The following SLC24A2 variants were observed in gnomAD, a reference collection of about 807,000 sequenced individuals.
SLC24A2 encodes the protein sodium/potassium/calcium exchanger 2.
SLC24A2 carries 36 observed loss-of-function variants against 62.0 expected under a neutral mutation model. The observed-to-expected ratio is 0.58, with a 90% confidence interval of 0.44 to 0.77. SLC24A2 has a LOEUF of 0.77. Among genes scored for constraint, SLC24A2 ranks in the 30% least tolerant of loss-of-function variants. The pLI, the probability that SLC24A2 is intolerant of heterozygous loss-of-function variation, is 0.00. For missense variants in SLC24A2, 846 were observed against 817.9 expected (o/e 1.03, Z -0.42); for synonymous variants, 358 against 294.0 (o/e 1.22, Z -2.23).
the SLC24A2 span, among the ~76,000 whole-genome samples, chr9:20,050,857 A>T: frequency 6.6e-6 from 1 of 152,198 alleles, no homozygotes; most frequent in Non-Finnish European, 1.5e-5. Flanking sequence ...TGATGTCACG[A>T]TTGGAAAAAG....
At chr9:20,239,559 G>GA in the SLC24A2 span, among the ~76,000 whole-genome samples, 16 of 152,188 alleles carry the variant, frequency 1.1e-4, no homozygotes, top group African/African-American at 3.6e-4. Flanking sequence ...TGAGGCCTAG[G>GA]AAAAGGGCTG....
intron 10 of SLC24A2, among the ~76,000 whole-genome samples, chr9:19,519,444 T>C (rs1833087735): frequency 6.6e-6 from 1 of 151,936 alleles, no homozygotes; most frequent in Admixed American, 6.6e-5. Flanking sequence ...TATAGAGCAT[T>C]ACTATTATTT....
At chr9:20,260,856 T>TA in the SLC24A2 span, among the ~76,000 whole-genome samples, 7 of 143,188 alleles carry the variant, frequency 4.9e-5, 1 homozygote, top group African/African-American at 1.8e-4. Flanking sequence ...TTTCTTTTTT[T>TA]TTTTTTTTTT....
chr9:19,884,772 A>T, the SLC24A2 span, among the ~76,000 whole-genome samples: 1 of 152,182 alleles, frequency 6.6e-6, no homozygotes, highest in South Asian at 2.1e-4. Context: ...TCAACACTTT[A>T]ATATAAAATA....
chr9:20,160,289 T>C, the SLC24A2 span, among the ~76,000 whole-genome samples: 1 of 151,444 alleles, frequency 6.6e-6, no homozygotes. Context: ...AACACCTGTG[T>C]AAAGAATAAT....
chr9:19,630,309 T>C (rs1818144864), intron 2 of SLC24A2, among the ~76,000 whole-genome samples: 1 of 152,188 alleles, frequency 6.6e-6, no homozygotes, highest in East Asian at 1.9e-4. Context: ...TAGAATTCAC[T>C]GAGCAAAGGG....
intron 2 of SLC24A2, among the ~76,000 whole-genome samples, chr9:19,722,880 CCAGGTGAAGCTCGTATGGAAAGA>C (rs1346391207): frequency 1.3e-5 from 2 of 151,976 alleles, no homozygotes; most frequent in Non-Finnish European, 2.9e-5. Context: ...GGTGCTAGAC[CCAGGTGAAGCTCGTATGGAAAGA>C]CAGATTTTGA....
the SLC24A2 span, among the ~76,000 whole-genome samples, chr9:20,038,509 TA>T: frequency 6.6e-6 from 1 of 151,536 alleles, no homozygotes; most frequent in Non-Finnish European, 1.5e-5. Flanking sequence ...ACCCTACGAA[TA>T]AAAACTCAAC....
chr9:20,216,207 C>T, the SLC24A2 span, among the ~76,000 whole-genome samples: 1 of 152,204 alleles, frequency 6.6e-6, no homozygotes, highest in South Asian at 2.1e-4. Context: ...TAATGCACCA[C>T]GTTGTATCCC....
At chr9:20,148,654 T>A in the SLC24A2 span, among the ~76,000 whole-genome samples, 1 of 152,148 alleles carries the variant, frequency 6.6e-6, no homozygotes, top group African/African-American at 2.4e-5. Context: ...TCAGTTGGAA[T>A]ATGCATGTGA....
the SLC24A2 span, among the ~76,000 whole-genome samples, chr9:19,962,486 T>C: frequency 6.6e-6 from 1 of 152,248 alleles, no homozygotes; most frequent in Non-Finnish European, 1.5e-5. Context: ...TGATTCTTCC[T>C]ACCCATGAGC....
the SLC24A2 span, among the ~76,000 whole-genome samples, chr9:19,918,749 A>G: frequency 1.3e-5 from 2 of 152,146 alleles, no homozygotes; most frequent in Admixed American, 6.6e-5. Context: ...GGTCCAAGAA[A>G]AGCCCAAAGC....
upstream of SLC24A2, among the ~76,000 whole-genome samples, chr9:19,792,807 T>C (rs1374756079): frequency 6.6e-6 from 1 of 152,214 alleles, no homozygotes; most frequent in Non-Finnish European, 1.5e-5. Context: ...CATTTCTTTC[T>C]TCATTCTCTC....
chr9:20,237,880 C>A, the SLC24A2 span, among the ~76,000 whole-genome samples: 2 of 152,134 alleles, frequency 1.3e-5, no homozygotes, highest in African/African-American at 4.8e-5. Flanking sequence ...AGTGTTGAGT[C>A]ATCCATTTTG....
chr9:19,524,282 G>C (rs570583299), intron 9 of SLC24A2, among the ~76,000 whole-genome samples: 2 of 152,090 alleles, frequency 1.3e-5, no homozygotes, highest in Admixed American at 1.3e-4. Context: ...GAGACACAAG[G>C]TCTTAGTTGA....
chr9:19,910,963 A>T, the SLC24A2 span, among the ~76,000 whole-genome samples: 5 of 151,280 alleles, frequency 3.3e-5, no homozygotes, highest in East Asian at 9.8e-4. Context: ...CATGTGCACA[A>T]TGTGCAGGTT....
chr9:19,868,370 G>C, the SLC24A2 span, among the ~76,000 whole-genome samples: 1 of 152,020 alleles, frequency 6.6e-6, no homozygotes. Context: ...TAAATGTATT[G>C]AGATTTGTTT....
intron 4 of SLC24A2, among the ~76,000 whole-genome samples, chr9:19,612,743 G>A (rs1837213651): frequency 6.6e-6 from 1 of 152,172 alleles, no homozygotes; most frequent in South Asian, 2.1e-4. Context: ...TGGGTATGGT[G>A]TCTTGTACCT....
the SLC24A2 span, among the ~76,000 whole-genome samples, chr9:19,830,481 A>C: frequency 6.6e-6 from 1 of 152,326 alleles, no homozygotes; most frequent in African/African-American, 2.4e-5. Flanking sequence ...GCTGACTCTT[A>C]GAAAGGTTAT....
Sources: gnomAD v4.1 joint callset for allele counts (sites outside exome capture counted in the v4.1 genomes callset) on GRCh38, gnomAD v4.1.1 for gene constraint, MANE v1.5 for transcripts, NCBI Gene and HGNC (gene_info 2026-07-23, HGNC 2026-07-21) for gene names.